HERC3: variants seen among roughly 807,000 people sequenced by gnomAD.
The protein encoded by HERC3 is HECT and RLD domain containing E3 ubiquitin protein ligase 3, also known as probable E3 ubiquitin-protein ligase HERC3.
Under a neutral mutation model 129.9 loss-of-function variants are expected in HERC3, and 58 were observed. The ratio of observed to expected loss-of-function variants is 0.45; its 90% CI spans 0.36 to 0.56. HERC3 has a LOEUF of 0.56. Among genes scored for constraint, HERC3 ranks in the 20% least tolerant of loss-of-function variants. HERC3 has a pLI of 0.00. For missense variants in HERC3, 835 were observed against 1,244.2 expected (o/e 0.67, Z 4.95); for synonymous variants, 430 against 451.0 (o/e 0.95, Z 0.59).
At chr4:88,703,986 GA>G in intron 23 of HERC3, 111 bp from the exon 24 acceptor site, 2 of 988,120 alleles carry the variant, frequency 2.0e-6, no homozygotes, top group Non-Finnish European at 3.0e-6. Context: ...CTCCTGATTT[GA>G]GAATTTGATG....
At chr4:88,550,661 C>T in the HERC3 span, among the ~76,000 whole-genome samples, 1 of 151,746 alleles carries the variant, frequency 6.6e-6, no homozygotes, top group Non-Finnish European at 1.5e-5. Context: ...AAGAACATTC[C>T]ATGCTCATGG....
At chr4:88,589,234 C>T (rs1415606893), upstream of HERC3, among the ~76,000 whole-genome samples, 1 of 152,008 alleles carries the variant, frequency 6.6e-6, no homozygotes, top group East Asian at 1.9e-4. Context: ...GGACTAAAGG[C>T]GTGCCCCACC....
At chr4:88,529,498 G>A in the HERC3 span, among the ~76,000 whole-genome samples, 13 of 152,088 alleles carry the variant, frequency 8.5e-5, no homozygotes, top group Admixed American at 5.9e-4. Context: ...GCTCATACCC[G>A]TAATCCCAGC....
the HERC3 span, among the ~76,000 whole-genome samples, chr4:88,565,406 C>A: frequency 1.3e-5 from 2 of 152,008 alleles, no homozygotes; most frequent in East Asian, 3.9e-4. Flanking sequence ...CTTTATATAC[C>A]TTTGTGCACT....
At position 88,697,205 on chromosome 4, in the gene HERC3, C is replaced by G. The variant is rs138046835; in HGVS notation, c.2658-6893C>G. 10 of 1,513,122 alleles carry G rather than the reference C, an allele frequency of 6.6e-6. No individual in the cohort carries two copies. The East Asian group carries it at 1.8e-4, about 28-fold the overall frequency. The allele number at this position is 1,513,122 out of a possible 1,614,324, so 93.7% of individuals were successfully genotyped here. A position where few individuals can be genotyped will look rare whatever the true frequency, so the allele number is the denominator to read the frequency against. On this transcript the variant is annotated intron_variant, in intron 23 of 25. Coordinates refer to ENST00000402738, the MANE Select transcript of HERC3 (RefSeq NM_014606.3). ...TTTCTCTTCATCCATCTCTGCCCCC[C>G]TTACTTCTTGGCGTCATCAGGCATC...
chr4:88,576,488 C>G, the HERC3 span, among the ~76,000 whole-genome samples: 1 of 152,226 alleles, frequency 6.6e-6, no homozygotes, highest in Non-Finnish European at 1.5e-5. Flanking sequence ...CTCTTTCCAG[C>G]CTCAGAACTT....
chr4:88,537,570 C>A, the HERC3 span, among the ~76,000 whole-genome samples: 1 of 152,168 alleles, frequency 6.6e-6, no homozygotes, highest in South Asian at 2.1e-4. Context: ...GTTGTCACTA[C>A]TGTAAATTAC....
the HERC3 span, among the ~76,000 whole-genome samples, chr4:88,582,426 C>T: frequency 1.3e-5 from 2 of 152,156 alleles, no homozygotes; most frequent in African/African-American, 4.8e-5. Flanking sequence ...TAAAAGGCCT[C>T]AGAAATAAAT....
chr4:88,530,286 T>C, the HERC3 span, among the ~76,000 whole-genome samples: 2 of 150,248 alleles, frequency 1.3e-5, no homozygotes, highest in South Asian at 4.2e-4. Flanking sequence ...TGAGATTCCG[T>C]CTCCAAAAGA....
At chr4:88,596,140 C>T (rs772414075) in intron 2 of HERC3, among the ~76,000 whole-genome samples, 31 of 152,164 alleles carry the variant, frequency 2.0e-4, no homozygotes, top group African/African-American at 3.9e-4. Flanking sequence ...TGAGCCACCG[C>T]GCCTGGCCAA....
At chr4:88,620,669 GTAATCATATTATCC>G (rs1476374205) in intron 3 of HERC3, among the ~76,000 whole-genome samples, 1 of 152,054 alleles carries the variant, frequency 6.6e-6, no homozygotes, top group Non-Finnish European at 1.5e-5. Context: ...TCTCCACAGA[GTAATCATATTATCC>G]CTCTCCCCAA....
intron 14 of HERC3, 41 bp downstream of exon 14, chr4:88,668,122 T>G (rs1731237277): frequency 6.6e-7 from 1 of 1,506,578 alleles, no homozygotes; most frequent in Non-Finnish European, 9.2e-7. Flanking sequence ...TTATGGTCAT[T>G]TGTTTTGTTG....
chr4:88,677,002 G>T (rs1233107110), intron 18 of HERC3, among the ~76,000 whole-genome samples: 1 of 152,108 alleles, frequency 6.6e-6, no homozygotes, highest in African/African-American at 2.4e-5. Flanking sequence ...GGCCGTGGTG[G>T]CACCCACCTG....
At chr4:88,690,404 A>G (rs1733954812) in intron 23 of HERC3, 1 of 985,188 alleles carries the variant, frequency 1.0e-6, no homozygotes, top group Admixed American at 6.1e-5. Flanking sequence ...GTGAGTACGT[A>G]TGTAGATACA....
At chr4:88,558,059 G>A in the HERC3 span, among the ~76,000 whole-genome samples, 8 of 118,142 alleles carry the variant, frequency 6.8e-5, no homozygotes, top group South Asian at 3.1e-4. Context: ...CAACGAGAGC[G>A]AGACTCTGAC....
intron 1 of HERC3, among the ~76,000 whole-genome samples, chr4:88,593,001 C>G (rs545459922): frequency 1.3e-5 from 2 of 152,150 alleles, no homozygotes; most frequent in Non-Finnish European, 2.9e-5. Context: ...TTCTGGGGTT[C>G]CAGGGACCTC....
At chr4:88,562,053 T>A in the HERC3 span, among the ~76,000 whole-genome samples, 1 of 152,164 alleles carries the variant, frequency 6.6e-6, no homozygotes, top group Non-Finnish European at 1.5e-5. Flanking sequence ...TATTTTTAGT[T>A]TTTTGAGGAA....
chr4:88,655,341 A>T, intron 8 of HERC3, 37 bp downstream of exon 8: 4 of 1,609,370 alleles, frequency 2.5e-6, no homozygotes, highest in Non-Finnish European at 3.4e-6. Flanking sequence ...ATTCACTAGG[A>T]CCCAGAAATT....
rs577556102 is a variant in HERC3, at chr4:88,680,030, T to A, written c.2197-63T>A. On this transcript the variant is annotated intron_variant, in intron 19 of 25. Coordinates refer to ENST00000402738, the MANE Select transcript of HERC3 (RefSeq NM_014606.3). ...GTCCTGAGTTTAGAAAATGGTCTGC[T>A]AAAAAGAGATAAAATGTGTCATAGA... 12 of 1,465,828 alleles carry A rather than the reference T, an allele frequency of 8.2e-6. No homozygotes were observed. The South Asian group carries it at 1.6e-4, about 19-fold the overall frequency. 90.8% of individuals were successfully genotyped at this position (1,465,828 alleles called of 1,614,324 possible).
Sources: gnomAD v4.1 joint callset for allele counts (sites outside exome capture counted in the v4.1 genomes callset) on GRCh38, gnomAD v4.1.1 for gene constraint, MANE v1.5 for transcripts, NCBI Gene and HGNC (gene_info 2026-07-23, HGNC 2026-07-21) for gene names.